SH3BP4: variants seen among roughly 807,000 people sequenced by gnomAD.
SH3BP4 encodes SH3 domain binding protein 4, also known as SH3 domain-binding protein 4.
Under a neutral mutation model 65.5 loss-of-function variants are expected in SH3BP4, and 33 were observed. The ratio of observed to expected loss-of-function variants is 0.50; its 90% CI spans 0.38 to 0.67. SH3BP4 has a LOEUF of 0.67. SH3BP4 is among the 30% of genes least tolerant of loss of function. The pLI is 0.00. For missense variants in SH3BP4, 1,134 were observed against 1,261.4 expected, an observed-to-expected ratio of 0.90 and a Z score of 1.53; for synonymous variants, 552 against 545.5, an observed-to-expected ratio of 1.01 and a Z score of -0.17.
intron 5 of SH3BP4, 64 bp from the exon 6 acceptor site, chr2:235,053,528 C>A: frequency 1.6e-6 from 2 of 1,263,366 alleles, no homozygotes; most frequent in Non-Finnish European, 2.3e-6. Flanking sequence ...GAACAAATCT[C>A]GTTCTGTCTC....
chr2:234,954,846 A>G (rs531440115), intron 1 of SH3BP4, among the ~76,000 whole-genome samples: 1 of 152,164 alleles, frequency 6.6e-6, no homozygotes, highest in East Asian at 1.9e-4. Flanking sequence ...AGCTTCTTAC[A>G]GAGCCCTTGA....
At position 235,027,148 on chromosome 2, in the gene SH3BP4, G is replaced by A. The variant is rs151095931; in HGVS notation, c.-132-7723G>A. On this transcript the variant is annotated intron_variant, in intron 2 of 5. Coordinates refer to ENST00000392011, the MANE Select transcript of SH3BP4 (RefSeq NM_014521.3). ...AGCCTTGCATTCCCTGCCAAGCCAC[G>A]CCCAGAAGCATCCTGGGAGGGACAC... Among the ~76,000 whole-genome samples, 489 of 152,326 alleles carry A rather than the reference G, an allele frequency of 3.2e-3. 2 individuals are homozygous for A. Among genetic ancestry groups the A allele is most frequent in the Middle Eastern group, 0.024 (7 of 294 alleles).
intron 2 of SH3BP4, among the ~76,000 whole-genome samples, chr2:235,024,203 T>C (rs1694926819): frequency 6.6e-6 from 1 of 152,204 alleles, no homozygotes; most frequent in South Asian, 2.1e-4. Context: ...CTCCCTTTCT[T>C]TGTGGCTGAA....
chr2:235,041,997 A>T lies in SH3BP4; in HGVS notation c.1228A>T (p.Thr410Ser). 1 of 1,613,840 alleles carries T rather than the reference A, an allele frequency of 6.2e-7. No individual in the cohort carries two copies. The highest frequency in any genetic ancestry group is 8.5e-7 in the Non-Finnish European group (1 of 1,179,808). Residue 410 changes from threonine to serine, a missense_variant, in exon 4 of 6, where the codon ACA becomes TCA. Coordinates refer to ENST00000392011, the MANE Select transcript of SH3BP4 (RefSeq NM_014521.3). The surrounding 1 kb of genome is among the most constrained non-coding windows in gnomAD (Gnocchi z 6.0). ...AAAAAATGACCTTTTTAGCAAAAGC[A>T]CAGTGGGCCTCCAGTGCCTGAGGAG... ...EIKNDLFSKSTVGLQCLRSDS... is the reference protein window; with the variant it reads ...EIKNDLFSKSSVGLQCLRSDS...
rs562307102 is a variant in SH3BP4, at chr2:234,976,665, G to A, written c.-206-18638G>A. On this transcript the variant is annotated intron_variant, in intron 1 of 5. Coordinates refer to ENST00000392011, the MANE Select transcript of SH3BP4 (RefSeq NM_014521.3). This position sits in a 1 kb window ranked among gnomAD's most constrained non-coding sequence, Gnocchi z 4.7. ...ACCAAGGTCACCATGGCAGGGATAAGTCACGCTGATGGCATTGTGTGGCAA... is the reference window on the plus strand; with the variant it reads ...ACCAAGGTCACCATGGCAGGGATAAATCACGCTGATGGCATTGTGTGGCAA... Among the ~76,000 whole-genome samples the A allele has an allele frequency of 1.3e-5, 2 of 152,302 alleles. No individual in the cohort carries two copies. The highest frequency in any genetic ancestry group is 3.9e-4 in the East Asian group (2 of 5,168).
chr2:235,052,988 A>C lies in SH3BP4; in HGVS notation c.2667+238A>C, dbSNP rs1696110103. ...CAAGGCTGTTCCACACGACATGGGA[A>C]GGACAAACAGAACTGCCTGTCCCTT... is the stretch of plus-strand genomic sequence containing the variant. On this transcript the variant is annotated intron_variant, in intron 5 of 5. Transcript: ENST00000392011. This position sits in a 1 kb window ranked among gnomAD's most constrained non-coding sequence, Gnocchi z 5.0. Among the ~76,000 whole-genome samples the C allele has an allele frequency of 6.6e-6, 1 of 152,242 alleles. No individual in the cohort carries two copies. Among genetic ancestry groups the C allele is most frequent in the South Asian group, 2.1e-4 (1 of 4,832 alleles).
At chr2:234,972,698 C>T (rs1693036319) in intron 1 of SH3BP4, among the ~76,000 whole-genome samples, 1 of 152,106 alleles carries the variant, frequency 6.6e-6, no homozygotes, top group African/African-American at 2.4e-5. Context: ...TGCACTCCAG[C>T]CTGGGTACAG....
chr2:234,986,597 A>G (rs1385649078), intron 1 of SH3BP4, among the ~76,000 whole-genome samples: 4 of 151,850 alleles, frequency 2.6e-5, no homozygotes, highest in Non-Finnish European at 5.9e-5. Flanking sequence ...GTTACTCTGC[A>G]TATCATGGCT....
intron 1 of SH3BP4, among the ~76,000 whole-genome samples, chr2:234,972,506 C>T (rs1693031734): frequency 6.6e-6 from 1 of 151,894 alleles, no homozygotes; most frequent in East Asian, 1.9e-4. Flanking sequence ...AGGAGGATCG[C>T]TTGAGCCCAT....
At chr2:234,970,196 C>G (rs1692957204) in intron 1 of SH3BP4, among the ~76,000 whole-genome samples, 1 of 152,172 alleles carries the variant, frequency 6.6e-6, no homozygotes, top group Admixed American at 6.5e-5. Flanking sequence ...TTAGTTGTAG[C>G]CGTATTGGTC....
At chr2:234,975,860 A>C (rs1272388648) in intron 1 of SH3BP4, among the ~76,000 whole-genome samples, 1 of 152,190 alleles carries the variant, frequency 6.6e-6, no homozygotes, top group African/African-American at 2.4e-5. Flanking sequence ...TGGGCAACAG[A>C]GCAAGACCCT....
intron 2 of SH3BP4, among the ~76,000 whole-genome samples, chr2:235,009,061 A>G (rs981590351): frequency 6.6e-6 from 1 of 152,232 alleles, no homozygotes; most frequent in African/African-American, 2.4e-5. Context: ...ATGTTTCCCC[A>G]TAGCTGAGAG....
chr2:235,051,747 C>A (rs1048964899), intron 4 of SH3BP4, among the ~76,000 whole-genome samples: 14 of 152,116 alleles, frequency 9.2e-5, no homozygotes, highest in African/African-American at 3.4e-4. Flanking sequence ...CTGCCTGAGT[C>A]CCCCAGCCTT....
rs1036629586 is a variant in SH3BP4 at position 234,978,319 on chromosome 2, A to T, written c.-206-16984A>T. Among the ~76,000 whole-genome samples, 5 of 152,132 alleles carry T rather than the reference A, an allele frequency of 3.3e-5. No individual in the cohort carries two copies. The highest frequency in any genetic ancestry group is 2.6e-4 in the Admixed American group (4 of 15,272). On this transcript the variant is annotated intron_variant, in intron 1 of 5. Transcript: ENST00000392011. The surrounding 1 kb of genome is among the most constrained non-coding windows in gnomAD (Gnocchi z 4.1). ...AAGAGCTTCATTCATTAATTCATCCATTCATTCATTCATTCAACAAGTACC... is the reference window on the plus strand; with the variant it reads ...AAGAGCTTCATTCATTAATTCATCCTTTCATTCATTCATTCAACAAGTACC...
At position 235,027,121 on chromosome 2, in the gene SH3BP4, G is replaced by A. The variant is rs115403852; in HGVS notation, c.-132-7750G>A. ...CCTGGGCTGGTCCTCGCCCTGAGTC[G>A]TAGCCTTGCATTCCCTGCCAAGCCA... On this transcript the variant is annotated intron_variant, in intron 2 of 5. Transcript: ENST00000392011. Among the ~76,000 whole-genome samples, 1,263 of 152,340 alleles carry A rather than the reference G, an allele frequency of 8.3e-3. 5 individuals are homozygous for A. Among genetic ancestry groups the A allele is most frequent in the Non-Finnish European group, 0.011 (780 of 68,026 alleles).
Position 235,054,408 on chromosome 2 carries a change from T to A in SH3BP4, c.*592T>A, listed in dbSNP as rs1011940710. On this transcript the variant is annotated 3_prime_UTR_variant, in exon 6 of 6. Coordinates refer to ENST00000392011, the MANE Select transcript of SH3BP4 (RefSeq NM_014521.3). ...TCATTCTTTCTGAGAAGGCCCCAGG[T>A]CCTGCTCCCTCCTCGGATTTGATTG... is the stretch of plus-strand genomic sequence containing the variant. The A allele has an allele frequency of 8.5e-5, 13 of 152,664 alleles. No individual in the cohort carries two copies. Among genetic ancestry groups the A allele is most frequent in the African/African-American group, 2.9e-4 (12 of 41,392 alleles). 9.5% of individuals were successfully genotyped at this position (152,664 alleles called of 1,614,324 possible). A position where few individuals can be genotyped will look rare whatever the true frequency, so the allele number is the denominator to read the frequency against.
chr2:235,048,230 C>A (rs1695936035), intron 4 of SH3BP4, among the ~76,000 whole-genome samples: 3 of 152,208 alleles, frequency 2.0e-5, no homozygotes, highest in Admixed American at 6.5e-5. Context: ...GTGCAGAAGG[C>A]TTCCCCTCGA....
rs1171440753 is a variant in SH3BP4 at position 235,005,330 on chromosome 2, G to A, written c.-133+9954G>A. 2.6e-5 allele frequency among the ~76,000 whole-genome samples: 4 copies of A among 152,014 alleles called. 1 individual carries two copies. The highest frequency in any genetic ancestry group is 4.8e-5 in the African/African-American group (2 of 41,408). ...CCCCTGACTTCTGGCTTGCGGTGGA[G>A]AGGGAGGTGTCAGGGGAGCCCCTCG... On this transcript the variant is annotated intron_variant, in intron 2 of 5. Transcript: ENST00000392011.
At chr2:235,000,814 G>T (rs535901653) in intron 2 of SH3BP4, among the ~76,000 whole-genome samples, 1 of 152,204 alleles carries the variant, frequency 6.6e-6, no homozygotes, top group Non-Finnish European at 1.5e-5. Flanking sequence ...CCACACACTG[G>T]GGCCTGTCCC....
Sources: allele counts gnomAD v4.1 joint callset (sites outside exome capture counted in the v4.1 genomes callset), GRCh38; gene constraint gnomAD v4.1.1; non-coding constraint Gnocchi (gnomAD v3.1); transcripts MANE v1.5; gene names NCBI Gene and HGNC (gene_info 2026-07-23, HGNC 2026-07-21).